Variants in RNF150 observed in about 807,000 individuals in gnomAD.
The protein encoded by RNF150 is ring finger protein 150.
RNF150 carries 24 observed loss-of-function variants against 39.3 expected under a neutral mutation model. The observed-to-expected ratio is 0.61, with a 90% CI of 0.44 to 0.86. The LOEUF is 0.86. RNF150 is among the 40% of genes least tolerant of loss of function. The pLI, the probability that RNF150 is intolerant of heterozygous loss-of-function variation, is 0.00. For missense variants in RNF150, 502 were observed against 587.8 expected (o/e 0.85, Z 1.51); for synonymous variants, 255 against 227.3 (o/e 1.12, Z -1.10).
At chr4:141,048,995 C>T (rs564328898) in intron 1 of RNF150, among the ~76,000 whole-genome samples, 1 of 152,274 alleles carries the variant, frequency 6.6e-6, no homozygotes, top group East Asian at 1.9e-4. Context: ...CTGCTCAACA[C>T]TGGTATGGCC....
rs114827347 is a variant in RNF150 at position 140,891,324 on chromosome 4, G to A, written c.1198+19820C>T. Among the ~76,000 whole-genome samples the A allele has an allele frequency of 4.7e-3, 720 of 152,288 alleles. 3 individuals carry two copies. Among genetic ancestry groups the A allele is most frequent in the African/African-American group, 0.016 (670 of 41,552 alleles). ...TCTCTCAAAGTCTCAGAAAGAGCCA[G>A]TAGTAAGTGGCAGAACTAGGACTTG... On this transcript the variant is annotated intron_variant, in intron 6 of 6. Coordinates refer to ENST00000515673, the MANE Select transcript of RNF150 (RefSeq NM_020724.2).
chr4:141,166,351 A>T (rs1727601213), intron 1 of RNF150, among the ~76,000 whole-genome samples: 1 of 152,228 alleles, frequency 6.6e-6, no homozygotes, highest in Non-Finnish European at 1.5e-5. Flanking sequence ...ATGGATTCAC[A>T]GCCGAATTCT....
At chr4:140,987,257 A>G (rs1468280641) in intron 1 of RNF150, among the ~76,000 whole-genome samples, 1 of 152,164 alleles carries the variant, frequency 6.6e-6, no homozygotes, top group African/African-American at 2.4e-5. Context: ...ACAGAATTAG[A>G]AAAAACTATT....
chr4:140,864,692 T>C lies in RNF150; in HGVS notation c.*3569A>G, dbSNP rs1447641350. ...ACAAGAAGAAGGGGTTGAGGTAAAG[T>C]TGGGTGATTTCAGTCTGGAGTTCTC... On this transcript the variant is annotated 3_prime_UTR_variant, in exon 7 of 7. Transcript: ENST00000515673. 6.6e-6 allele frequency: 1 copy of C among 152,086 alleles called. No homozygotes were observed. The highest frequency in any genetic ancestry group is 2.4e-5 in the African/African-American group (1 of 41,384). 9.4% of individuals were successfully genotyped at this position (152,086 alleles called of 1,614,324 possible). A position where few individuals can be genotyped will look rare whatever the true frequency, so the allele number is the denominator to read the frequency against.
chr4:141,034,983 T>C (rs930092816), intron 1 of RNF150, among the ~76,000 whole-genome samples: 18 of 152,192 alleles, frequency 1.2e-4, no homozygotes, highest in Admixed American at 5.2e-4. Context: ...CTGACAGACA[T>C]GCTTGATGTA....
intron 4 of RNF150, among the ~76,000 whole-genome samples, chr4:140,930,958 T>C (rs1315040169): frequency 6.6e-6 from 1 of 152,060 alleles, no homozygotes; most frequent in African/African-American, 2.4e-5. Flanking sequence ...TTTTGTTTGC[T>C]TTAATTGTCC....
At chr4:141,207,267 G>A (rs1179002764) in intron 1 of RNF150, among the ~76,000 whole-genome samples, 1 of 149,486 alleles carries the variant, frequency 6.7e-6, no homozygotes, top group Non-Finnish European at 1.5e-5. Flanking sequence ...AAAATAGAGA[G>A]GTTATACTGG....
intron 1 of RNF150, among the ~76,000 whole-genome samples, chr4:141,029,668 G>A (rs569760321): frequency 8.3e-4 from 127 of 152,236 alleles, no homozygotes; most frequent in Non-Finnish European, 1.6e-3. Flanking sequence ...CAGCCAAAGG[G>A]AATTCCTTTA....
intron 6 of RNF150, among the ~76,000 whole-genome samples, chr4:140,874,589 G>A (rs781363110): frequency 1.1e-4 from 16 of 152,050 alleles, no homozygotes; most frequent in Admixed American, 3.3e-4. Context: ...ACTGGGTTTC[G>A]CTCTCTCGCC....
intron 2 of RNF150, among the ~76,000 whole-genome samples, chr4:140,949,622 T>C (rs1732464376): frequency 6.6e-6 from 1 of 151,918 alleles, no homozygotes; most frequent in African/African-American, 2.4e-5. Flanking sequence ...GCATGTGACA[T>C]ACATAGATCC....
chr4:140,953,530 T>C (rs1732620857), intron 2 of RNF150, among the ~76,000 whole-genome samples: 1 of 152,180 alleles, frequency 6.6e-6, no homozygotes, highest in African/African-American at 2.4e-5. Flanking sequence ...AGATTTTTTT[T>C]TTTTTCTGTA....
chr4:141,209,361 C>T (rs1728425977), intron 1 of RNF150, among the ~76,000 whole-genome samples: 1 of 152,138 alleles, frequency 6.6e-6, no homozygotes, highest in African/African-American at 2.4e-5. Flanking sequence ...GTTCACTTTT[C>T]ACTACTATAT....
At chr4:140,882,181 G>A (rs979637189) in intron 6 of RNF150, among the ~76,000 whole-genome samples, 4 of 151,898 alleles carry the variant, frequency 2.6e-5, no homozygotes, top group African/African-American at 4.8e-5. Flanking sequence ...CACTACGCCC[G>A]GCTAATTTTT....
intron 5 of RNF150, among the ~76,000 whole-genome samples, chr4:140,919,024 T>C (rs1323681091): frequency 6.6e-6 from 1 of 151,952 alleles, no homozygotes; most frequent in East Asian, 1.9e-4. Flanking sequence ...TAGGTATTGA[T>C]GGGACGTATC....
chr4:141,189,474 C>A (rs746030812), intron 1 of RNF150, among the ~76,000 whole-genome samples: 2 of 152,184 alleles, frequency 1.3e-5, no homozygotes, highest in African/African-American at 2.4e-5. Context: ...CAGGAATGTT[C>A]AAGTCTACTG....
At chr4:140,967,477 C>T in intron 2 of RNF150, 146 bp downstream of exon 2, 1 of 634,080 alleles carries the variant, frequency 1.6e-6, no homozygotes, top group East Asian at 2.8e-5. Flanking sequence ...TGGATAATAT[C>T]TGAAAAATGA....
rs1728852531 is a variant in RNF150 at position 140,869,632 on chromosome 4, C to G, written c.1199-1253G>C. Among the ~76,000 whole-genome samples, 3 of 152,082 alleles carry G rather than the reference C, an allele frequency of 2.0e-5. No individual in the cohort carries two copies. The South Asian group carries it at 6.2e-4, about 31-fold the overall frequency. On this transcript the variant is annotated intron_variant, in intron 6 of 6. Coordinates refer to ENST00000515673, the MANE Select transcript of RNF150 (RefSeq NM_020724.2). ...ATAAGCACCAGGATGGAAGATGTACCAGGTATTACAGGAGCAGGTAAGAGG... is the reference window on the plus strand; with the variant it reads ...ATAAGCACCAGGATGGAAGATGTACGAGGTATTACAGGAGCAGGTAAGAGG...
chr4:140,995,177 C>T (rs1734323365), intron 1 of RNF150, among the ~76,000 whole-genome samples: 1 of 152,154 alleles, frequency 6.6e-6, no homozygotes. Context: ...TACTCTCTAT[C>T]TATGATAAAG....
chr4:141,167,390 A>T (rs747883231), intron 1 of RNF150, among the ~76,000 whole-genome samples: 1 of 152,196 alleles, frequency 6.6e-6, no homozygotes, highest in Non-Finnish European at 1.5e-5. Flanking sequence ...TTATAGACTC[A>T]ATGGTATTCC....
Sources: gnomAD v4.1 joint callset for allele counts (sites outside exome capture counted in the v4.1 genomes callset) on GRCh38, gnomAD v4.1.1 for gene constraint, MANE v1.5 for transcripts, NCBI Gene and HGNC (gene_info 2026-07-23, HGNC 2026-07-21) for gene names.